Variants in HOGA1 observed in about 807,000 individuals in gnomAD.
HOGA1 encodes 4-hydroxy-2-oxoglutarate aldolase, mitochondrial.
A neutral mutation model predicts 34.3 loss-of-function variants in HOGA1; 30 were observed. The ratio of observed to expected loss-of-function variants is 0.87; its 90% CI spans 0.65 to 1.19. The LOEUF (loss-of-function observed/expected upper bound fraction) is 1.19. Ranked by LOEUF, HOGA1 falls within the 50% of genes most tolerant of loss-of-function variation. The pLI is 0.00. For missense variants in HOGA1, 417 were observed against 436.5 expected, an observed-to-expected ratio of 0.96 and a Z score of 0.40; for synonymous variants, 161 against 174.0, an observed-to-expected ratio of 0.93 and a Z score of 0.59.
intron 1 of HOGA1, among the ~76,000 whole-genome samples, chr10:97,594,733 C>T (rs1159180875): frequency 6.6e-6 from 1 of 152,014 alleles, no homozygotes; most frequent in East Asian, 1.9e-4. Context: ...TCAAATAGTC[C>T]ACCCGTCTTG....
intron 6 of HOGA1, among the ~76,000 whole-genome samples, chr10:97,607,820 C>T (rs1459545990): frequency 6.6e-6 from 1 of 151,964 alleles, no homozygotes; most frequent in African/African-American, 2.4e-5. Flanking sequence ...TTTTTTCCCC[C>T]TAAGAACATT....
intron 6 of HOGA1, chr10:97,602,200 G>C: frequency 6.5e-7 from 1 of 1,539,708 alleles, no homozygotes; most frequent in Non-Finnish European, 8.8e-7. Flanking sequence ...TCAAACTTAA[G>C]TGTGCATTAA....
intron 1 of HOGA1, among the ~76,000 whole-genome samples, chr10:97,585,461 T>C (rs775297356): frequency 1.3e-5 from 2 of 152,292 alleles, no homozygotes; most frequent in African/African-American, 2.4e-5. Context: ...GACCAGATGA[T>C]ATTTGCAACA....
chr10:97,588,909 G>T (rs2040994216), intron 1 of HOGA1, among the ~76,000 whole-genome samples: 1 of 152,068 alleles, frequency 6.6e-6, no homozygotes, highest in South Asian at 2.1e-4. Context: ...GCCCAGGCCT[G>T]TTTATACCCT....
intron 1 of HOGA1, among the ~76,000 whole-genome samples, chr10:97,595,649 C>T (rs1165799422): frequency 4.6e-5 from 7 of 152,152 alleles, no homozygotes; most frequent in Non-Finnish European, 1.0e-4. Flanking sequence ...GAGCCGAGGT[C>T]GCACCACTGC....
intron 6 of HOGA1, among the ~76,000 whole-genome samples, chr10:97,602,994 T>G (rs1038751536): frequency 2.0e-5 from 3 of 151,678 alleles, no homozygotes; most frequent in Non-Finnish European, 4.4e-5. Flanking sequence ...GCCCGGCCTA[T>G]TCTTTTTTCT....
rs2040963983 is a variant in HOGA1 at position 97,585,628 on chromosome 10, G to C, written c.211+714G>C. Among the ~76,000 whole-genome samples the C allele has an allele frequency of 2.0e-5, 3 of 152,356 alleles. No homozygotes were observed. The South Asian group carries it at 6.2e-4, about 32-fold the overall frequency. On this transcript the variant is annotated intron_variant, in intron 1 of 6. Transcript: ENST00000370646. ...CCCACAGATGGGAATCTGGGCCTCA[G>C]AGTGACATGGTCACTGCCCAAGGTC...
rs568880052 is a variant in HOGA1, at chr10:97,603,074, C to T, written c.834+1084C>T. Among the ~76,000 whole-genome samples the T allele has an allele frequency of 1.0e-3, 156 of 151,590 alleles. No homozygotes were observed. The highest frequency in any genetic ancestry group is 3.6e-3 in the African/African-American group (147 of 41,286). On this transcript the variant is annotated intron_variant, in intron 6 of 6. Transcript: ENST00000370646. This position sits in a 1 kb window ranked among gnomAD's most constrained non-coding sequence, Gnocchi z 4.5. ...TGGAGTGCAGTGGCACAATCTTGGC[C>T]CACTGCAACCTCCGCCTCCCTGGTG...
At chr10:97,599,240 G>T in intron 3 of HOGA1, 24 bp downstream of exon 3, 1 of 1,613,846 alleles carries the variant, frequency 6.2e-7, no homozygotes, top group South Asian at 1.1e-5. Flanking sequence ...CTGAGACCAA[G>T]AGGAGGCTCT....
At chr10:97,595,681 T>A (rs1589906081) in intron 1 of HOGA1, among the ~76,000 whole-genome samples, 1 of 152,070 alleles carries the variant, frequency 6.6e-6, no homozygotes, top group African/African-American at 2.4e-5. Flanking sequence ...GGCAACAGAG[T>A]GAGACTCTGT....
chr10:97,589,670 T>G, intron 1 of HOGA1: 5 of 419,756 alleles, frequency 1.2e-5, no homozygotes, highest in Non-Finnish European at 1.8e-5. Flanking sequence ...GGGTTCATTG[T>G]TGAGGTGGTG....
At chr10:97,602,082 C>T in intron 6 of HOGA1, 92 bp downstream of exon 6, 1 of 1,552,124 alleles carries the variant, frequency 6.4e-7, no homozygotes, top group Non-Finnish European at 8.7e-7. Flanking sequence ...CCAGGCCCCA[C>T]TCAGTCTCTT....
chr10:97,602,941 C>T (rs1373045285), intron 6 of HOGA1, among the ~76,000 whole-genome samples: 1 of 152,240 alleles, frequency 6.6e-6, no homozygotes, highest in Non-Finnish European at 1.5e-5. Flanking sequence ...ATCTGCCCAC[C>T]TCAGCCTCCC....
intron 6 of HOGA1, among the ~76,000 whole-genome samples, chr10:97,609,438 C>T (rs1489880818): frequency 2.0e-5 from 3 of 152,238 alleles, no homozygotes; most frequent in Middle Eastern, 3.4e-3. Context: ...CGTGTCATCC[C>T]GCCCTACCCC....
At position 97,599,147 on chromosome 10, in the gene HOGA1, C is replaced by T; in HGVS notation, c.399C>T (p.Ala133=). ...VSMAQVGADA[A]MVVTPCYYRG... is the part of the protein sequence containing the mutation. Reference sequence around the variant, plus strand: ...TGGCCCAGGTCGGGGCTGACGCGGCCATGGTGGTGACCCCTTGCTACTATC... The same window carrying T: ...TGGCCCAGGTCGGGGCTGACGCGGCTATGGTGGTGACCCCTTGCTACTATC... Residue 133 remains alanine (A), a synonymous_variant, in exon 3 of 7, where the codon GCC becomes GCT. Transcript: ENST00000370646. 1 of 1,613,876 alleles carries T rather than the reference C, an allele frequency of 6.2e-7. No individual in the cohort carries two copies. Among genetic ancestry groups the T allele is most frequent in the South Asian group, 1.1e-5 (1 of 91,084 alleles).
At chr10:97,596,708 CAAAAA>C (rs34186645) in intron 1 of HOGA1, among the ~76,000 whole-genome samples, 5 of 89,350 alleles carry the variant, frequency 5.6e-5, no homozygotes, top group African/African-American at 7.6e-5. Context: ...AAATAACTAC[CAAAAA>C]AAAAAAAAAA....
At chr10:97,602,499 G>C in intron 6 of HOGA1, 3 of 985,348 alleles carry the variant, frequency 3.0e-6, no homozygotes, top group Non-Finnish European at 3.6e-6. Context: ...GGCAAGCAAA[G>C]GAGAACTTCA....
chr10:97,596,419 T>TG (rs1263610756), intron 1 of HOGA1, among the ~76,000 whole-genome samples: 2 of 152,134 alleles, frequency 1.3e-5, no homozygotes, highest in African/African-American at 4.8e-5. Flanking sequence ...CAGGCAGGGT[T>TG]GGGGAGGAAG....
chr10:97,590,364 GTCACCTAGAGTCCAAGGACA>G, intron 1 of HOGA1: 1 of 1,614,054 alleles, frequency 6.2e-7, no homozygotes, highest in South Asian at 1.1e-5. Flanking sequence ...CAGCACTCAG[GTCACCTAGAGTCCAAGGACA>G]TCAACCAGGA....
Sources: allele counts gnomAD v4.1 joint callset (sites outside exome capture counted in the v4.1 genomes callset), GRCh38; gene constraint gnomAD v4.1.1; non-coding constraint Gnocchi (gnomAD v3.1); transcripts MANE v1.5; gene names NCBI Gene and HGNC (gene_info 2026-07-23, HGNC 2026-07-21).